Variants in HEATR6 observed in about 807,000 individuals in gnomAD.
HEATR6 encodes HEAT repeat containing 6.
In HEATR6, 106 loss-of-function variants were observed where a neutral mutation model predicts 132.8. The ratio of observed to expected loss-of-function variants is 0.80; its 90% CI spans 0.68 to 0.94. The LOEUF (loss-of-function observed/expected upper bound fraction) is 0.94. Ranked by LOEUF, HEATR6 falls within the 40% of genes least tolerant of loss-of-function variation. The pLI, the probability that HEATR6 is intolerant of heterozygous loss-of-function variation, is 0.00. For synonymous variants in HEATR6, 529 were observed against 537.8 expected, an observed-to-expected ratio of 0.98 and a Z score of 0.23; for missense variants, 1,339 against 1,425.1, an observed-to-expected ratio of 0.94 and a Z score of 0.97.
At chr17:60,069,485 G>C (rs914848347) in intron 7 of HEATR6, among the ~76,000 whole-genome samples, 10 of 152,158 alleles carry the variant, frequency 6.6e-5, no homozygotes, top group African/African-American at 2.2e-4. Flanking sequence ...TAAAGTGAAT[G>C]CTCATTTTTA....
rs1906889478 is a variant in HEATR6, at chr17:60,060,222, TTATC to T, written c.1417-130_1417-127del. The T allele has an allele frequency of 1.0e-5, 7 of 680,220 alleles. No homozygotes were observed. In the Admixed American group the frequency reaches 1.1e-4, roughly 11 times the overall value. 42.1% of individuals were successfully genotyped at this position (680,220 alleles called of 1,614,324 possible). A position where few individuals can be genotyped will look rare whatever the true frequency, so the allele number is the denominator to read the frequency against. ...AATTGGAAGAATAAAGGCAATGGGA[TTATC>T]TGTTAGTTCCTAAAAACTAGGCCAC... On this transcript the variant is annotated intron_variant, in intron 9 of 19. Coordinates refer to ENST00000184956, the MANE Select transcript of HEATR6 (RefSeq NM_022070.5).
intron 9 of HEATR6, among the ~76,000 whole-genome samples, chr17:60,062,593 G>T (rs1412872699): frequency 6.6e-6 from 1 of 152,156 alleles, no homozygotes; most frequent in Non-Finnish European, 1.5e-5. Context: ...GTCCCTGCTG[G>T]GAGTAGGTAC....
Position 60,052,802 on chromosome 17 carries a change from AAC to A in HEATR6, c.2290-1827_2290-1826del, listed in dbSNP as rs376715908. ...ACTGGCACAGTGTAGGGGTAGCAGA[AAC>A]AACCTGAAATCACAGGAATTGAATA... On this transcript the variant is annotated intron_variant, in intron 14 of 19. Transcript: ENST00000184956. Among the ~76,000 whole-genome samples the A allele has an allele frequency of 6.6e-4, 101 of 152,300 alleles. 2 individuals carry two copies. In the East Asian group the frequency reaches 0.015, roughly 23 times the overall value.
intron 15 of HEATR6, among the ~76,000 whole-genome samples, chr17:60,050,286 G>A (rs1031368648): frequency 6.6e-6 from 1 of 152,186 alleles, no homozygotes; most frequent in Non-Finnish European, 1.5e-5. Flanking sequence ...CCAAATCTGT[G>A]TCTGTCAGTG....
intron 18 of HEATR6, 84 bp from the exon 19 acceptor site, chr17:60,046,313 GGA>G: frequency 2.8e-6 from 3 of 1,081,798 alleles, no homozygotes; most frequent in Non-Finnish European, 4.0e-6. Context: ...AAAAAACCCA[GGA>G]GGTCTTCAAC....
chr17:60,062,046 C>T (rs1568627789), intron 9 of HEATR6, among the ~76,000 whole-genome samples: 1 of 152,122 alleles, frequency 6.6e-6, no homozygotes, highest in Non-Finnish European at 1.5e-5. Flanking sequence ...TATTTTTTTC[C>T]ACTAAGTTAC....
At chr17:60,057,736 TAC>T (rs1212348387) in intron 11 of HEATR6, among the ~76,000 whole-genome samples, 17 of 152,198 alleles carry the variant, frequency 1.1e-4, no homozygotes, top group Admixed American at 7.9e-4. Context: ...TTAAAAAGAC[TAC>T]AGTGACATAA....
intron 12 of HEATR6, among the ~76,000 whole-genome samples, chr17:60,056,450 C>T (rs575877500): frequency 5.3e-5 from 8 of 152,264 alleles, no homozygotes; most frequent in African/African-American, 1.7e-4. Context: ...TTTTCATTAA[C>T]AGAATCTCAT....
intron 9 of HEATR6, among the ~76,000 whole-genome samples, chr17:60,062,156 T>C (rs1421436479): frequency 2.0e-5 from 3 of 152,252 alleles, no homozygotes; most frequent in South Asian, 2.1e-4. Context: ...GTTGTTATAA[T>C]TGTTACTTAA....
At chr17:60,049,820 G>T (rs1906520024) in intron 15 of HEATR6, 118 bp from the exon 16 acceptor site, 1 of 1,100,692 alleles carries the variant, frequency 9.1e-7, no homozygotes, top group Non-Finnish European at 1.3e-6. Flanking sequence ...GAACACCATT[G>T]CGACCTTGAG....
rs768415220 is a variant in HEATR6, at chr17:60,044,055, G to C, written c.3054C>G (p.Ile1018Met). Residue 1018 changes from isoleucine (I) to methionine (M), a missense_variant, in exon 20 of 20, where the codon ATC becomes ATG. Transcript: ENST00000184956. The stretch of plus-strand genomic sequence containing the variant: ...GGACGGAAAGGGCAGCTGCAGATCT[G>C]ATGCGCACTTTGAAGTTCTTGCATG... ...VTSCKNFKVRIRSAAALSVPG... is the reference protein window; with the variant it reads ...VTSCKNFKVRMRSAAALSVPG... 1.9e-6 allele frequency: 3 copies of C among 1,614,076 alleles called. No individual in the cohort carries two copies. Among genetic ancestry groups the C allele is most frequent in the South Asian group, 2.2e-5 (2 of 91,092 alleles).
chr17:60,047,827 A>G (rs1292759231), intron 17 of HEATR6, among the ~76,000 whole-genome samples: 2 of 152,208 alleles, frequency 1.3e-5, no homozygotes, highest in Non-Finnish European at 1.5e-5. Context: ...ACACGTGCAC[A>G]TGAATAACCA....
Position 60,066,395 on chromosome 17 carries a change from A to G in HEATR6, c.1239-9T>C, listed in dbSNP as rs1209895048. On this transcript the variant is annotated splice_polypyrimidine_tract_variant and intron_variant, in intron 8 of 19. Transcript: ENST00000184956. ...CTTTAGCTTGGTAAGACCTTTCATA[A>G]CCAAGAGAAAAAAGAAAAAACACTT... is the stretch of plus-strand genomic sequence containing the variant. 9 of 1,551,802 alleles carry G rather than the reference A, an allele frequency of 5.8e-6. No individual in the cohort carries two copies. Among genetic ancestry groups the G allele is most frequent in the Non-Finnish European group, 7.8e-6 (9 of 1,153,402 alleles).
intron 11 of HEATR6, among the ~76,000 whole-genome samples, chr17:60,058,654 T>C (rs1906832322): frequency 6.6e-6 from 1 of 152,218 alleles, no homozygotes; most frequent in Non-Finnish European, 1.5e-5. Context: ...GTTATAATTC[T>C]TGCTGTTAGG....
Position 60,046,025 on chromosome 17 carries a change from C to A in HEATR6, c.2974G>T (p.Gly992Trp). Residue 992 changes from glycine to tryptophan, a missense_variant and splice_region_variant, in exon 19 of 20, where the codon GGG becomes TGG. By Grantham distance (184) the Gly-to-Trp change is radical (BLOSUM62 -2). Transcript: ENST00000184956. ...AGGGAGTGAAGGGAAACTTTCTTAC[C>A]TAAAGGAAGGGCAGGATTTTTAAAT... is the stretch of plus-strand genomic sequence containing the variant. ...NVFKNPALPL[G>W]TAPWTSQAYN... 1.2e-6 allele frequency: 2 copies of A among 1,612,130 alleles called. No homozygotes were observed. Among genetic ancestry groups the A allele is most frequent in the Non-Finnish European group, 1.7e-6 (2 of 1,178,480 alleles).
chr17:60,065,367 CT>C (rs1397218048), intron 9 of HEATR6, among the ~76,000 whole-genome samples: 1 of 152,176 alleles, frequency 6.6e-6, no homozygotes, highest in African/African-American at 2.4e-5. Context: ...GTTACCACCC[CT>C]GACCCCTTAA....
intron 12 of HEATR6, among the ~76,000 whole-genome samples, chr17:60,056,594 T>A (rs1225835238): frequency 6.6e-6 from 1 of 152,182 alleles, no homozygotes; most frequent in Admixed American, 6.5e-5. Flanking sequence ...CCAGGCCTAG[T>A]CTCAGATCAT....
In HEATR6 at chr17:60,041,715, C is replaced by T. The variant is rs1384184019; in HGVS notation, c.*1848G>A. Among the ~76,000 whole-genome samples the T allele has an allele frequency of 1.3e-5, 2 of 152,150 alleles. No homozygotes were observed. Among genetic ancestry groups the T allele is most frequent in the Non-Finnish European group, 2.9e-5 (2 of 68,040 alleles). On this transcript the variant is annotated 3_prime_UTR_variant, in exon 20 of 20. Transcript: ENST00000184956. ...TTTAGTGAACTTGAATACCCTGTTCCCCAATCACTGCCCAGAGAGCAGTTT... is the reference window on the plus strand; with the variant it reads ...TTTAGTGAACTTGAATACCCTGTTCTCCAATCACTGCCCAGAGAGCAGTTT...
At chr17:60,073,596 G>GT (rs2083281077) in intron 3 of HEATR6, 150 bp downstream of exon 3, 3 of 704,324 alleles carry the variant, frequency 4.3e-6, no homozygotes, top group Non-Finnish European at 7.2e-6. Context: ...CATCCTCAGA[G>GT]TAACTATTTT....
Sources: gnomAD v4.1 joint callset for allele counts (sites outside exome capture counted in the v4.1 genomes callset) on GRCh38, gnomAD v4.1.1 for gene constraint, MANE v1.5 for transcripts, NCBI Gene and HGNC (gene_info 2026-07-23, HGNC 2026-07-21) for gene names.